TBC1D5: variants seen among roughly 807,000 people sequenced by gnomAD.
The protein encoded by TBC1D5 is TBC1 domain family, member 5.
In TBC1D5, 75 loss-of-function variants were observed where a neutral mutation model predicts 100.3. The observed-to-expected ratio is 0.75, with a 90% CI of 0.62 to 0.91. TBC1D5 has a LOEUF of 0.91. TBC1D5 is among the 40% of genes least tolerant of loss of function. The probability of loss-of-function intolerance (pLI) is 0.00; values close to 1 mark genes in which losing one functional copy is unlikely to be tolerated. For missense variants in TBC1D5, 910 were observed against 942.4 expected, an observed-to-expected ratio of 0.97 and a Z score of 0.45; for synonymous variants, 323 against 325.6, an observed-to-expected ratio of 0.99 and a Z score of 0.09.
At chr3:17,219,223 G>A (rs1287907668) in intron 17 of TBC1D5, among the ~76,000 whole-genome samples, 1 of 151,684 alleles carries the variant, frequency 6.6e-6, no homozygotes, top group Non-Finnish European at 1.5e-5. Context: ...TTCAGTTGCT[G>A]TATTTTTCAA....
chr3:17,289,266 G>A (rs929665433), intron 15 of TBC1D5, among the ~76,000 whole-genome samples: 8 of 152,142 alleles, frequency 5.3e-5, no homozygotes, highest in Non-Finnish European at 2.9e-5. Flanking sequence ...CACAGGATCC[G>A]GGCTGGTGTG....
intron 3 of TBC1D5, among the ~76,000 whole-genome samples, chr3:17,487,125 A>C (rs2095579002): frequency 6.6e-6 from 1 of 152,214 alleles, no homozygotes; most frequent in Non-Finnish European, 1.5e-5. Flanking sequence ...GAACACATCT[A>C]CACCAATCTG....
chr3:17,506,268 A>T (rs1404280760), intron 3 of TBC1D5, among the ~76,000 whole-genome samples: 1 of 152,256 alleles, frequency 6.6e-6, no homozygotes, highest in Non-Finnish European at 1.5e-5. Flanking sequence ...AAATCAAAGA[A>T]GATGAAATAG....
chr3:17,681,753 T>C (rs968455504), intron 1 of TBC1D5, among the ~76,000 whole-genome samples: 2 of 151,436 alleles, frequency 1.3e-5, no homozygotes, highest in Non-Finnish European at 2.9e-5. Context: ...CCCCAGGCCA[T>C]GGATTGGTTC....
At chr3:17,477,314 A>T (rs2095449371) in intron 3 of TBC1D5, among the ~76,000 whole-genome samples, 1 of 151,986 alleles carries the variant, frequency 6.6e-6, no homozygotes. Context: ...ATCCATATTC[A>T]TGAGCAAGAA....
intron 2 of TBC1D5, among the ~76,000 whole-genome samples, chr3:17,548,874 T>C (rs2153442995): frequency 6.6e-6 from 1 of 152,336 alleles, no homozygotes; most frequent in African/African-American, 2.4e-5. Context: ...AATTATAAGG[T>C]AAGGTACCCC....
chr3:17,169,212 A>T (rs1305458058), intron 19 of TBC1D5, among the ~76,000 whole-genome samples: 5 of 152,196 alleles, frequency 3.3e-5, no homozygotes, highest in Non-Finnish European at 7.3e-5. Context: ...ACAGGATATA[A>T]ACTCCAAGGT....
intron 1 of TBC1D5, among the ~76,000 whole-genome samples, chr3:17,657,837 T>G (rs928160434): frequency 6.6e-6 from 1 of 152,218 alleles, no homozygotes; most frequent in African/African-American, 2.4e-5. Flanking sequence ...CTCCAATTTA[T>G]TAACAACATA....
intron 1 of TBC1D5, among the ~76,000 whole-genome samples, chr3:17,658,071 G>A (rs1270994562): frequency 6.6e-6 from 1 of 152,158 alleles, no homozygotes; most frequent in Non-Finnish European, 1.5e-5. Flanking sequence ...TGCTGTACAG[G>A]TTTGTAGCCA....
intron 3 of TBC1D5, among the ~76,000 whole-genome samples, chr3:17,470,949 C>T (rs1374756900): frequency 6.6e-6 from 1 of 152,096 alleles, no homozygotes; most frequent in East Asian, 1.9e-4. Context: ...GTGACATGAA[C>T]TTCTGCAAGG....
intron 2 of TBC1D5, among the ~76,000 whole-genome samples, chr3:17,540,550 T>G (rs1261192875): frequency 2.6e-5 from 4 of 152,154 alleles, no homozygotes; most frequent in Non-Finnish European, 5.9e-5. Flanking sequence ...TATCCCGTTT[T>G]CCCAGCAGCA....
intron 16 of TBC1D5, among the ~76,000 whole-genome samples, chr3:17,249,586 C>G (rs1353270371): frequency 6.6e-6 from 1 of 152,212 alleles, no homozygotes; most frequent in African/African-American, 2.4e-5. Flanking sequence ...ACGAGTAAAA[C>G]TCCCTGAGCC....
chr3:17,214,233 T>C lies in TBC1D5; in HGVS notation c.1726A>G (p.Ser576Gly), dbSNP rs1359442796. 6.2e-7 allele frequency: 1 copy of C among 1,612,716 alleles called. No homozygotes were observed. Among genetic ancestry groups the C allele is most frequent in the African/African-American group, 1.3e-5 (1 of 74,830 alleles). ...GATTCTTTTCTGCCCATAGTTTTGC[T>C]GTGTGAGCGAGAACGTGAGATGTTG... Residue 576 changes from serine (S) to glycine (G), a missense_variant, in exon 18 of 22, where the codon AGC becomes GGC. Ser to Gly is a moderately conservative substitution (Grantham distance 56). Coordinates refer to ENST00000253692, the Ensembl canonical transcript of TBC1D5.
At chr3:17,339,241 T>A (rs1339662914) in intron 13 of TBC1D5, among the ~76,000 whole-genome samples, 1 of 152,192 alleles carries the variant, frequency 6.6e-6, no homozygotes, top group East Asian at 1.9e-4. Flanking sequence ...GTTGTGGCAA[T>A]TAGCCATATG....
At chr3:17,545,340 CAA>C (rs1172775091) in intron 2 of TBC1D5, among the ~76,000 whole-genome samples, 1 of 152,168 alleles carries the variant, frequency 6.6e-6, no homozygotes, top group African/African-American at 2.4e-5. Flanking sequence ...ACTTACAAGC[CAA>C]ACAGACCTCA....
At chr3:17,269,597 T>C (rs1280948420) in intron 15 of TBC1D5, among the ~76,000 whole-genome samples, 1 of 152,144 alleles carries the variant, frequency 6.6e-6, no homozygotes, top group Non-Finnish European at 1.5e-5. Flanking sequence ...ACCCAGATGG[T>C]GAACACAGTA....
intron 2 of TBC1D5, among the ~76,000 whole-genome samples, chr3:17,595,091 G>C (rs1259604059): frequency 2.0e-5 from 3 of 152,216 alleles, no homozygotes; most frequent in Admixed American, 2.0e-4. Context: ...TCTTTCTCTC[G>C]TGCTAGATGC....
intron 17 of TBC1D5, 52 bp downstream of exon 17, chr3:17,238,111 C>A (rs900033599): frequency 1.3e-6 from 2 of 1,557,562 alleles, no homozygotes; most frequent in African/African-American, 1.4e-5. Context: ...GTGAAGAAAT[C>A]CCAGGCTACA....
intron 17 of TBC1D5, among the ~76,000 whole-genome samples, chr3:17,217,793 A>G (rs1475599003): frequency 6.6e-6 from 1 of 152,042 alleles, no homozygotes; most frequent in East Asian, 1.9e-4. Context: ...CTTGCAAAAA[A>G]TTCTTCTGTT....
Sources: gnomAD v4.1 joint callset for allele counts (sites outside exome capture counted in the v4.1 genomes callset) on GRCh38, gnomAD v4.1.1 for gene constraint, MANE v1.5 for transcripts, NCBI Gene and HGNC (gene_info 2026-07-23, HGNC 2026-07-21) for gene names.